The following LINGO2 variants were observed in gnomAD, a reference collection of about 807,000 sequenced individuals.
LINGO2 encodes the protein leucine-rich repeat and immunoglobulin-like domain-containing nogo receptor-interacting protein 2.
Under a neutral mutation model 30.6 loss-of-function variants are expected in LINGO2, and 14 were observed. That is an observed-to-expected ratio of 0.46 (90% confidence interval 0.30 to 0.72). The LOEUF (loss-of-function observed/expected upper bound fraction) is 0.72, where lower values mean the gene tolerates loss of function less well. Among genes scored for constraint, LINGO2 ranks in the 30% least tolerant of loss-of-function variants. The pLI is 0.07. For synonymous variants in LINGO2, 317 were observed against 288.5 expected (o/e 1.10, Z -1.00); for missense variants, 729 against 751.7 (o/e 0.97, Z 0.35).
At chr9:29,125,055 A>G in the LINGO2 span, among the ~76,000 whole-genome samples, 1 of 152,216 alleles carries the variant, frequency 6.6e-6, no homozygotes, top group Admixed American at 6.5e-5. Context: ...TGTGGCATAT[A>G]TACACCCTGG....
the LINGO2 span, among the ~76,000 whole-genome samples, chr9:28,756,339 T>G: frequency 6.6e-6 from 1 of 152,024 alleles, no homozygotes; most frequent in Non-Finnish European, 1.5e-5. Flanking sequence ...CCAATGCCTG[T>G]ACCCTCAATG....
At chr9:29,064,343 C>T in the LINGO2 span, among the ~76,000 whole-genome samples, 1 of 151,948 alleles carries the variant, frequency 6.6e-6, no homozygotes, top group East Asian at 1.9e-4. Flanking sequence ...CTTCATAGAT[C>T]TGTGACTGAA....
intron 5 of LINGO2, among the ~76,000 whole-genome samples, chr9:27,974,642 C>T (rs1170909353): frequency 1.3e-5 from 2 of 152,056 alleles, no homozygotes; most frequent in Non-Finnish European, 2.9e-5. Context: ...CAAAAGCAGT[C>T]AGTAATCCTT....
At chr9:28,777,291 A>G in the LINGO2 span, among the ~76,000 whole-genome samples, 3 of 152,314 alleles carry the variant, frequency 2.0e-5, no homozygotes, top group African/African-American at 7.2e-5. Flanking sequence ...AATAAAAACA[A>G]TCATTATTTC....
the LINGO2 span, among the ~76,000 whole-genome samples, chr9:28,731,582 A>C: frequency 2.0e-5 from 3 of 152,108 alleles, no homozygotes. Context: ...AACTCAAGGG[A>C]TACTTGGGAA....
At chr9:28,095,471 A>G (rs865997324) in intron 4 of LINGO2, among the ~76,000 whole-genome samples, 1 of 152,100 alleles carries the variant, frequency 6.6e-6, no homozygotes, top group African/African-American at 2.4e-5. Context: ...AGGATTCCCT[A>G]TTTAATAAAT....
the LINGO2 span, among the ~76,000 whole-genome samples, chr9:29,033,034 ATATAC>A: frequency 6.6e-6 from 1 of 152,116 alleles, no homozygotes; most frequent in Non-Finnish European, 1.5e-5. Context: ...AATTTATAAT[ATATAC>A]TTTAATGCTT....
chr9:29,061,483 A>T, the LINGO2 span, among the ~76,000 whole-genome samples: 1 of 152,018 alleles, frequency 6.6e-6, no homozygotes, highest in African/African-American at 2.4e-5. Flanking sequence ...ATTAAAAAAA[A>T]ATACATACAG....
intron 4 of LINGO2, among the ~76,000 whole-genome samples, chr9:28,197,995 G>A (rs1199073874): frequency 6.6e-6 from 1 of 151,788 alleles, no homozygotes; most frequent in Non-Finnish European, 1.5e-5. Context: ...ATAAATGTGT[G>A]TGTAAACACA....
At chr9:28,213,869 C>A (rs1820676897) in intron 4 of LINGO2, among the ~76,000 whole-genome samples, 1 of 151,412 alleles carries the variant, frequency 6.6e-6, no homozygotes, top group Non-Finnish European at 1.5e-5. Flanking sequence ...AAATGGCAAT[C>A]CTTTAGCTTG....
chr9:28,008,309 C>T (rs1014852700), intron 5 of LINGO2, among the ~76,000 whole-genome samples: 1 of 152,036 alleles, frequency 6.6e-6, no homozygotes. Flanking sequence ...AAATATACAT[C>T]TATTTACCTA....
the LINGO2 span, among the ~76,000 whole-genome samples, chr9:28,995,159 A>T: frequency 2.0e-5 from 3 of 152,166 alleles, no homozygotes; most frequent in African/African-American, 7.2e-5. Flanking sequence ...CAATGAACTC[A>T]AACAAATTTA....
At chr9:28,436,551 G>A (rs946343979) in intron 2 of LINGO2, among the ~76,000 whole-genome samples, 12 of 151,834 alleles carry the variant, frequency 7.9e-5, no homozygotes, top group Non-Finnish European at 1.0e-4. Flanking sequence ...TCCGCCTCCC[G>A]GGTTCACGCC....
chr9:28,189,280 G>GAA, intron 4 of LINGO2, among the ~76,000 whole-genome samples: 5 of 71,546 alleles, frequency 7.0e-5, no homozygotes, highest in Non-Finnish European at 1.4e-4. Context: ...AGGAAGGGAG[G>GAA]GAGGGAGGGA....
intron 1 of LINGO2, among the ~76,000 whole-genome samples, chr9:28,580,286 A>C (rs1824196065): frequency 6.6e-6 from 1 of 152,102 alleles, no homozygotes. Flanking sequence ...ATTAGCTATA[A>C]GAAAAAGCCA....
At chr9:28,357,322 C>CCCG (rs1554710545) in intron 3 of LINGO2, among the ~76,000 whole-genome samples, 3 of 144,458 alleles carry the variant, frequency 2.1e-5, no homozygotes, top group Middle Eastern at 3.4e-3. Flanking sequence ...AAAGCCCACC[C>CCCG]CCCCCAAAAA....
intron 1 of LINGO2, among the ~76,000 whole-genome samples, chr9:28,546,970 C>A (rs2135484901): frequency 6.6e-6 from 1 of 152,190 alleles, no homozygotes; most frequent in Middle Eastern, 3.4e-3. Context: ...CTCTAATTCC[C>A]ATCAATTATT....
chr9:29,051,469 G>A, the LINGO2 span, among the ~76,000 whole-genome samples: 1 of 152,094 alleles, frequency 6.6e-6, no homozygotes, highest in African/African-American at 2.4e-5. Flanking sequence ...CCTTGTAGCA[G>A]TGAATTAAAT....
the LINGO2 span, among the ~76,000 whole-genome samples, chr9:29,113,995 T>C: frequency 6.6e-6 from 1 of 152,038 alleles, no homozygotes. Flanking sequence ...AGGAATTCTT[T>C]TCCACAACAA....
Sources: gnomAD v4.1 joint callset for allele counts (sites outside exome capture counted in the v4.1 genomes callset) on GRCh38, gnomAD v4.1.1 for gene constraint, MANE v1.5 for transcripts, NCBI Gene and HGNC (gene_info 2026-07-23, HGNC 2026-07-21) for gene names.